The following CYP2C18 variants were observed in gnomAD, a reference collection of about 807,000 sequenced individuals.
CYP2C18 encodes cytochrome P450 family 2 subfamily C member 18.
A neutral mutation model predicts 41.3 loss-of-function variants in CYP2C18; 38 were observed. That is an observed-to-expected ratio of 0.92 (90% CI 0.71 to 1.21). The LOEUF is 1.21. Among genes scored for constraint, CYP2C18 ranks in the 50% most tolerant of loss-of-function variants. CYP2C18 has a pLI of 0.00. For missense variants in CYP2C18, 635 were observed against 591.4 expected, an observed-to-expected ratio of 1.07 and a Z score of -0.77; for synonymous variants, 236 against 210.0, an observed-to-expected ratio of 1.12 and a Z score of -1.07.
Position 94,711,755 on chromosome 10 carries a change from G to C in CYP2C18, c.819+4795G>C, listed in dbSNP as rs141399913. Among the ~76,000 whole-genome samples, 674 of 152,024 alleles carry C rather than the reference G, an allele frequency of 4.4e-3. 6 individuals are homozygous for C. The highest frequency in any genetic ancestry group is 0.015 in the African/African-American group (629 of 41,438). ...TATACAATGTAAATGCCATGTAAGTGGTTGTTATACTGTATTTTTTAGGGA... is the reference window on the plus strand; with the variant it reads ...TATACAATGTAAATGCCATGTAAGTCGTTGTTATACTGTATTTTTTAGGGA... On this transcript the variant is annotated intron_variant, in intron 5 of 8. Coordinates refer to ENST00000285979, the MANE Select transcript of CYP2C18 (RefSeq NM_000772.3).
chr10:94,699,069 A>G (rs1394845854), intron 4 of CYP2C18, among the ~76,000 whole-genome samples: 2 of 152,224 alleles, frequency 1.3e-5, no homozygotes, highest in Non-Finnish European at 2.9e-5. Flanking sequence ...AGCTGGTACC[A>G]TTCCTTCTGA....
At chr10:94,696,872 G>A (rs1166243251) in intron 4 of CYP2C18, among the ~76,000 whole-genome samples, 7 of 152,142 alleles carry the variant, frequency 4.6e-5, no homozygotes, top group Non-Finnish European at 1.5e-5. Context: ...CTGGAAGAAA[G>A]GGTATCAGTG....
At chr10:94,714,414 G>A (rs567773266) in intron 5 of CYP2C18, among the ~76,000 whole-genome samples, 4 of 152,280 alleles carry the variant, frequency 2.6e-5, no homozygotes, top group Admixed American at 2.6e-4. Flanking sequence ...AGTTTTCCCA[G>A]TACCATTTAT....
chr10:94,684,844 CTTG>C (rs1846855094), intron 1 of CYP2C18, among the ~76,000 whole-genome samples: 1 of 151,906 alleles, frequency 6.6e-6, no homozygotes, highest in African/African-American at 2.4e-5. Flanking sequence ...TTTGTCAACA[CTTG>C]TTATCTTTTT....
chr10:94,685,612 T>C (rs750712150), intron 1 of CYP2C18, among the ~76,000 whole-genome samples: 14 of 152,312 alleles, frequency 9.2e-5, no homozygotes, highest in Middle Eastern at 3.4e-3. Flanking sequence ...ATTCTTTGCA[T>C]ATGAATATCC....
intron 5 of CYP2C18, among the ~76,000 whole-genome samples, chr10:94,709,563 T>C (rs1322976169): frequency 2.6e-5 from 4 of 152,214 alleles, no homozygotes; most frequent in Non-Finnish European, 4.4e-5. Context: ...GTCTTTCACT[T>C]TCTTAACAGT....
At chr10:94,697,054 C>G (rs1466797180) in intron 4 of CYP2C18, among the ~76,000 whole-genome samples, 2 of 152,232 alleles carry the variant, frequency 1.3e-5, no homozygotes. Flanking sequence ...GGAAAACACT[C>G]TGCACGATAT....
intron 5 of CYP2C18, among the ~76,000 whole-genome samples, chr10:94,708,895 A>C (rs1041244755): frequency 2.0e-5 from 3 of 152,186 alleles, no homozygotes; most frequent in South Asian, 2.1e-4. Flanking sequence ...TTGACATAGC[A>C]TGTATCAGTA....
intron 4 of CYP2C18, among the ~76,000 whole-genome samples, chr10:94,705,042 T>A (rs1442029876): frequency 2.0e-5 from 3 of 152,160 alleles, no homozygotes; most frequent in Non-Finnish European, 4.4e-5. Flanking sequence ...GTGGTCCCTC[T>A]GTAAATAGGA....
intron 4 of CYP2C18, among the ~76,000 whole-genome samples, chr10:94,703,178 C>T (rs949833574): frequency 6.6e-6 from 1 of 152,204 alleles, no homozygotes; most frequent in African/African-American, 2.4e-5. Context: ...TCAAACCGTG[C>T]TGGGAGGTGT....
intron 3 of CYP2C18, among the ~76,000 whole-genome samples, chr10:94,692,243 C>G (rs960164323): frequency 2.1e-4 from 32 of 151,986 alleles, no homozygotes; most frequent in Non-Finnish European, 4.3e-4. Flanking sequence ...AAGCAACCTA[C>G]TGAATGGGAG....
At chr10:94,710,900 CT>C (rs577856805) in intron 5 of CYP2C18, among the ~76,000 whole-genome samples, 4 of 152,074 alleles carry the variant, frequency 2.6e-5, no homozygotes, top group Non-Finnish European at 5.9e-5. Flanking sequence ...AGGAAGAAAT[CT>C]TTTTTTGTAT....
At chr10:94,718,097 T>C (rs1926712) in intron 5 of CYP2C18, among the ~76,000 whole-genome samples, 26,344 of 151,984 alleles carry the variant, frequency 0.17, 2,516 homozygotes, top group South Asian at 0.33. Flanking sequence ...ATATGGTATC[T>C]CTTTTTTATT....
At chr10:94,708,654 C>T (rs1350932826) in intron 5 of CYP2C18, among the ~76,000 whole-genome samples, 1 of 152,120 alleles carries the variant, frequency 6.6e-6, no homozygotes, top group Non-Finnish European at 1.5e-5. Context: ...TAGTATTTTT[C>T]ACAGAGCTGT....
chr10:94,689,847 A>G (rs1846964012), intron 3 of CYP2C18, among the ~76,000 whole-genome samples: 1 of 152,108 alleles, frequency 6.6e-6, no homozygotes, highest in Non-Finnish European at 1.5e-5. Context: ...AAATTATTAT[A>G]GGGCCAGTTA....
At position 94,706,798 on chromosome 10, in the gene CYP2C18, C is replaced by T. The variant is rs1847350991; in HGVS notation, c.657C>T (p.Phe219=). The T allele has an allele frequency of 1.3e-6, 2 of 1,588,292 alleles. No homozygotes were observed. Among genetic ancestry groups the T allele is most frequent in the Non-Finnish European group, 1.7e-6 (2 of 1,162,838 alleles). Residue 219 remains phenylalanine, a synonymous_variant, in exon 5 of 9, where the codon TTC becomes TTT. Coordinates refer to ENST00000285979, the MANE Select transcript of CYP2C18 (RefSeq NM_000772.3). ...SSPWIQVCNN[F]PALIDYLPGS... ...AAATCTTTAAGGTCTGCAATAATTT[C>T]CCTGCTCTCATCGATTATCTCCCAG...
rs187912885 is a variant in CYP2C18, at chr10:94,715,235, A to G, written c.820-5161A>G. ...CAGTATGTTGAATAGAAGTGGTGAG[A>G]GAGGGCATCCCTGTCTTGTGCCAGT... On this transcript the variant is annotated intron_variant, in intron 5 of 8. Coordinates refer to ENST00000285979, the MANE Select transcript of CYP2C18 (RefSeq NM_000772.3). Among the ~76,000 whole-genome samples, 595 of 152,290 alleles carry G rather than the reference A, an allele frequency of 3.9e-3. 3 individuals are homozygous for G. The highest frequency in any genetic ancestry group is 0.014 in the African/African-American group (566 of 41,564).
chr10:94,733,704 G>C (rs567572934), intron 8 of CYP2C18: 148 of 572,462 alleles, frequency 2.6e-4, no homozygotes, highest in South Asian at 3.2e-4. Context: ...ATACATCACT[G>C]AGCTACCCAA....
Position 94,720,564 on chromosome 10 carries a change from G to A in CYP2C18, c.961+27G>A, listed in dbSNP as rs189684541. On this transcript the variant is annotated intron_variant, in intron 6 of 8. Coordinates refer to ENST00000285979, the MANE Select transcript of CYP2C18 (RefSeq NM_000772.3). ...TATGATGATACCATAGGTGAGCAGG[G>A]TGATTTTCAGAAAAGATGTTGGGAA... 14 of 1,598,480 alleles carry A rather than the reference G, an allele frequency of 8.8e-6. No homozygotes were observed. The East Asian group carries it at 1.3e-4, about 15-fold the overall frequency.
Sources: gnomAD v4.1 joint callset for allele counts (sites outside exome capture counted in the v4.1 genomes callset) on GRCh38, gnomAD v4.1.1 for gene constraint, MANE v1.5 for transcripts, NCBI Gene and HGNC (gene_info 2026-07-23, HGNC 2026-07-21) for gene names.